SND1: variants seen among roughly 807,000 people sequenced by gnomAD.
SND1 encodes staphylococcal nuclease domain-containing protein 1.
A neutral mutation model predicts 121.7 loss-of-function variants in SND1; 38 were observed. That is an observed-to-expected ratio of 0.31 (90% CI 0.24 to 0.41). The LOEUF is 0.41. SND1 is among the 10% of genes least tolerant of loss of function. The pLI, the probability that SND1 is intolerant of heterozygous loss-of-function variation, is 1.00. For missense variants in SND1, 868 were observed against 1,184.6 expected (o/e 0.73, Z 3.92); for synonymous variants, 401 against 447.4 (o/e 0.90, Z 1.31).
chr7:127,826,330 A>AT (rs988889356), intron 11 of SND1, among the ~76,000 whole-genome samples: 41 of 150,782 alleles, frequency 2.7e-4, no homozygotes, highest in Admixed American at 9.9e-4. Context: ...TGTTCATCTT[A>AT]TTTTTTTTTG....
chr7:127,745,908 C>T (rs534175886), intron 10 of SND1, among the ~76,000 whole-genome samples: 3 of 152,304 alleles, frequency 2.0e-5, no homozygotes, highest in African/African-American at 7.2e-5. Flanking sequence ...CATGCCAAGG[C>T]ATCTCCAACA....
intron 1 of SND1, among the ~76,000 whole-genome samples, chr7:127,662,471 C>T (rs982306822): frequency 2.0e-5 from 3 of 152,136 alleles, no homozygotes; most frequent in Admixed American, 2.0e-4. Context: ...AACTGTATAT[C>T]TTTGTGCTCT....
intron 12 of SND1, among the ~76,000 whole-genome samples, chr7:127,872,650 A>ACACG (rs1799618070): frequency 1.3e-5 from 2 of 151,604 alleles, no homozygotes; most frequent in Non-Finnish European, 2.9e-5. Context: ...ACACACACAC[A>ACACG]CACACACACA....
intron 16 of SND1, among the ~76,000 whole-genome samples, chr7:128,062,001 A>G (rs1459165725): frequency 6.6e-6 from 1 of 152,224 alleles, no homozygotes; most frequent in African/African-American, 2.4e-5. Context: ...GCTGGGTTAT[A>G]ATAGGTTTGA....
intron 10 of SND1, among the ~76,000 whole-genome samples, chr7:127,777,377 A>ACT (rs1278108507): frequency 2.6e-5 from 4 of 152,224 alleles, no homozygotes; most frequent in Non-Finnish European, 4.4e-5. Flanking sequence ...AAACTCAGAA[A>ACT]GAGTTGATAA....
intron 11 of SND1, among the ~76,000 whole-genome samples, chr7:127,811,461 T>C (rs1308725778): frequency 6.6e-6 from 1 of 152,208 alleles, no homozygotes; most frequent in African/African-American, 2.4e-5. Context: ...AGTTACCCCA[T>C]TATCTATTGC....
At chr7:127,989,860 A>G (rs1802482448) in intron 15 of SND1, among the ~76,000 whole-genome samples, 1 of 152,246 alleles carries the variant, frequency 6.6e-6, no homozygotes, top group Non-Finnish European at 1.5e-5. Flanking sequence ...AAAATGTAGC[A>G]TATTTCATGG....
Position 127,929,328 on chromosome 7 carries a change from A to T in SND1, c.1668A>T (p.Ala556=), listed in dbSNP as rs1377541128. ...CTTGCCTTATCACCTTCTTGCTTGC[A>T]GGTAAGTCTTATGTGTTACATGTTA... The part of the protein sequence containing the change: ...KETCLITFLL[A]GIECPRGARN... Residue 556 remains alanine (A), a splice_region_variant and synonymous_variant, in exon 15 of 24, where the codon GCA becomes GCT. Transcript: ENST00000354725. 3.1e-6 allele frequency: 5 copies of T among 1,613,992 alleles called. No individual in the cohort carries two copies. The East Asian group carries it at 1.1e-4, about 36-fold the overall frequency.
rs115573214 is a variant in SND1 at position 127,788,795 on chromosome 7, C to T, written c.1153-18689C>T. 5.6e-3 allele frequency among the ~76,000 whole-genome samples: 848 copies of T among 152,280 alleles called. 15 individuals are homozygous for T. Among genetic ancestry groups the T allele is most frequent in the African/African-American group, 0.019 (808 of 41,558 alleles). On this transcript the variant is annotated intron_variant, in intron 10 of 23. Coordinates refer to ENST00000354725, the MANE Select transcript of SND1 (RefSeq NM_014390.4). ...TGTTTTCATTTTCCTTAGAGTTTCA[C>T]CTGCCCACTTCTTATTTCTTAAATG...
intron 15 of SND1, among the ~76,000 whole-genome samples, chr7:127,963,375 G>C (rs1801779144): frequency 1.4e-5 from 2 of 143,990 alleles, no homozygotes; most frequent in African/African-American, 5.2e-5. Context: ...TCTAGCATTA[G>C]GTATATCTCC....
chr7:127,707,178 T>G (rs928266135), intron 8 of SND1, among the ~76,000 whole-genome samples: 1 of 152,252 alleles, frequency 6.6e-6, no homozygotes, highest in Non-Finnish European at 1.5e-5. Context: ...AACCTTTTTG[T>G]AATTCAGATA....
intron 16 of SND1, among the ~76,000 whole-genome samples, chr7:128,073,126 C>T (rs1439633317): frequency 3.3e-5 from 5 of 152,252 alleles, no homozygotes; most frequent in African/African-American, 9.6e-5. Flanking sequence ...TAGGGAGGGG[C>T]AGGGTCTTTT....
chr7:127,809,663 G>A (rs1382540294), intron 11 of SND1, among the ~76,000 whole-genome samples: 2 of 152,220 alleles, frequency 1.3e-5, no homozygotes, highest in Admixed American at 1.3e-4. Flanking sequence ...GATTAGGGCA[G>A]CCTGTCACAG....
At chr7:127,782,584 G>C (rs971088503) in intron 10 of SND1, among the ~76,000 whole-genome samples, 3 of 152,198 alleles carry the variant, frequency 2.0e-5, no homozygotes, top group African/African-American at 7.2e-5. Context: ...ACAGAATAAT[G>C]ATTTTTAATT....
At chr7:127,700,773 G>A (rs1384801969) in intron 4 of SND1, among the ~76,000 whole-genome samples, 2 of 152,098 alleles carry the variant, frequency 1.3e-5, no homozygotes, top group African/African-American at 4.8e-5. Context: ...GTGGTTCTTA[G>A]TCGGCTTCTC....
At chr7:128,041,338 A>T (rs1415531344) in intron 16 of SND1, among the ~76,000 whole-genome samples, 1 of 152,186 alleles carries the variant, frequency 6.6e-6, no homozygotes, top group African/African-American at 2.4e-5. Flanking sequence ...GAACACCGGG[A>T]AACCAGCCCA....
At chr7:127,821,717 TAAA>T (rs11297859) in intron 11 of SND1, among the ~76,000 whole-genome samples, 2 of 151,394 alleles carry the variant, frequency 1.3e-5, no homozygotes, top group Admixed American at 6.6e-5. Context: ...AAGGATGTGT[TAAA>T]AAAAAAATAG....
At chr7:127,945,972 A>G (rs1801320410) in intron 15 of SND1, among the ~76,000 whole-genome samples, 1 of 152,204 alleles carries the variant, frequency 6.6e-6, no homozygotes, top group Admixed American at 6.5e-5. Flanking sequence ...CATTGAACAT[A>G]TTTATCTCCA....
intron 16 of SND1, among the ~76,000 whole-genome samples, chr7:128,011,109 C>T (rs1803107626): frequency 6.6e-6 from 1 of 151,908 alleles, no homozygotes; most frequent in Non-Finnish European, 1.5e-5. Flanking sequence ...GTCCCCCCCA[C>T]CCCCAAACAC....
Sources: gnomAD v4.1 joint callset for allele counts (sites outside exome capture counted in the v4.1 genomes callset) on GRCh38, gnomAD v4.1.1 for gene constraint, MANE v1.5 for transcripts, NCBI Gene and HGNC (gene_info 2026-07-23, HGNC 2026-07-21) for gene names.